The following LRRC28 variants were observed in gnomAD, a reference collection of about 807,000 sequenced individuals.
The protein encoded by LRRC28 is leucine rich repeat containing 28, also known as leucine-rich repeat-containing protein 28.
A neutral mutation model predicts 45.7 loss-of-function variants in LRRC28; 39 were observed. That is an observed-to-expected ratio of 0.85 (90% CI 0.66 to 1.12). LRRC28 has a LOEUF of 1.12. LRRC28 is among the 50% of genes most tolerant of loss of function. LRRC28 has a pLI of 0.00. For synonymous variants in LRRC28, 206 were observed against 178.8 expected (o/e 1.15, Z -1.22); for missense variants, 435 against 438.5 (o/e 0.99, Z 0.07).
At chr15:99,264,840 G>A (rs768302027) in intron 2 of LRRC28, among the ~76,000 whole-genome samples, 3 of 152,160 alleles carry the variant, frequency 2.0e-5, no homozygotes, top group Non-Finnish European at 2.9e-5. Flanking sequence ...TCTGGAAAAA[G>A]GGAATAATGA....
intron 5 of LRRC28, among the ~76,000 whole-genome samples, chr15:99,295,990 G>A (rs540858024): frequency 1.2e-4 from 18 of 152,304 alleles, no homozygotes; most frequent in African/African-American, 4.3e-4. Context: ...TGAAACCTCT[G>A]TGTTTATTGA....
At chr15:99,322,841 A>G (rs1411386558) in intron 5 of LRRC28, among the ~76,000 whole-genome samples, 1 of 152,168 alleles carries the variant, frequency 6.6e-6, no homozygotes, top group Non-Finnish European at 1.5e-5. Flanking sequence ...TCCTGGGGCA[A>G]AGCAAGCAAG....
chr15:99,253,698 T>G (rs926022551), intron 1 of LRRC28, among the ~76,000 whole-genome samples: 2 of 152,252 alleles, frequency 1.3e-5, no homozygotes, highest in African/African-American at 4.8e-5. Flanking sequence ...TAATTGGATG[T>G]ACATTTTTAA....
At chr15:99,291,131 T>C (rs1164432276) in intron 5 of LRRC28, among the ~76,000 whole-genome samples, 1 of 152,236 alleles carries the variant, frequency 6.6e-6, no homozygotes, top group Non-Finnish European at 1.5e-5. Context: ...ATTGACTGCT[T>C]CTTAATAACC....
chr15:99,345,514 G>A (rs1389792900), intron 6 of LRRC28, among the ~76,000 whole-genome samples: 3 of 151,916 alleles, frequency 2.0e-5, no homozygotes, highest in Admixed American at 6.6e-5. Context: ...TATTTCAATC[G>A]ATTGTTTTTC....
intron 5 of LRRC28, among the ~76,000 whole-genome samples, chr15:99,291,113 C>T (rs2082111181): frequency 6.6e-6 from 1 of 152,176 alleles, no homozygotes; most frequent in Non-Finnish European, 1.5e-5. Flanking sequence ...GGATGTACTT[C>T]TAATGTCATT....
chr15:99,354,423 A>C (rs1354044015), intron 7 of LRRC28, among the ~76,000 whole-genome samples: 1 of 152,186 alleles, frequency 6.6e-6, no homozygotes, highest in Non-Finnish European at 1.5e-5. Flanking sequence ...TTCCAGTTCA[A>C]AGTAGTGTTG....
At chr15:99,294,147 A>G (rs2082205370) in intron 5 of LRRC28, among the ~76,000 whole-genome samples, 1 of 152,090 alleles carries the variant, frequency 6.6e-6, no homozygotes, top group African/African-American at 2.4e-5. Context: ...CAGTTTGTAT[A>G]TGATGTGTCT....
chr15:99,328,358 A>G (rs1414045819), intron 5 of LRRC28, among the ~76,000 whole-genome samples: 1 of 152,204 alleles, frequency 6.6e-6, no homozygotes, highest in Non-Finnish European at 1.5e-5. Flanking sequence ...CAAAATCCTG[A>G]ATGTTGAAAT....
chr15:99,382,055 A>T (rs1453654858), intron 9 of LRRC28, among the ~76,000 whole-genome samples: 1 of 152,202 alleles, frequency 6.6e-6, no homozygotes, highest in Non-Finnish European at 1.5e-5. Context: ...CTCACTTCAA[A>T]GCTGTCAGAC....
At chr15:99,340,446 T>A (rs1291431122) in intron 6 of LRRC28, among the ~76,000 whole-genome samples, 2 of 152,220 alleles carry the variant, frequency 1.3e-5, no homozygotes, top group African/African-American at 4.8e-5. Context: ...TACTATTTTT[T>A]AATAAAAAAG....
At chr15:99,260,615 T>C (rs1185604993) in intron 2 of LRRC28, among the ~76,000 whole-genome samples, 1 of 152,240 alleles carries the variant, frequency 6.6e-6, no homozygotes, top group Non-Finnish European at 1.5e-5. Flanking sequence ...ATATCAGATA[T>C]ATGACAGCTT....
chr15:99,339,322 G>A lies in LRRC28; in HGVS notation c.592+5193G>A, dbSNP rs550682134. ...GAAGAGCATCTTTAGTTAGCTCCCAGGAAATGCCACGTCAGCCAAACTCAA... is the reference window on the plus strand; with the variant it reads ...GAAGAGCATCTTTAGTTAGCTCCCAAGAAATGCCACGTCAGCCAAACTCAA... On this transcript the variant is annotated intron_variant, in intron 6 of 9. Coordinates refer to ENST00000301981, the MANE Select transcript of LRRC28 (RefSeq NM_144598.5). 3.2e-3 allele frequency among the ~76,000 whole-genome samples: 489 copies of A among 152,278 alleles called. 1 individual carries two copies. Among genetic ancestry groups the A allele is most frequent in the African/African-American group, 8.3e-3 (345 of 41,554 alleles).
chr15:99,258,579 C>G, intron 2 of LRRC28: 1 of 745,648 alleles, frequency 1.3e-6, no homozygotes, highest in Non-Finnish European at 2.4e-6. Flanking sequence ...AAAACAGAAA[C>G]CAAAGACTAA....
At chr15:99,321,454 C>T (rs190317102) in intron 5 of LRRC28, among the ~76,000 whole-genome samples, 1 of 152,244 alleles carries the variant, frequency 6.6e-6, no homozygotes, top group African/African-American at 2.4e-5. Context: ...AGCTGGCGTT[C>T]GGTCAGTAAT....
chr15:99,303,523 C>T (rs911137935), intron 5 of LRRC28, among the ~76,000 whole-genome samples: 4 of 152,212 alleles, frequency 2.6e-5, no homozygotes, highest in African/African-American at 9.6e-5. Flanking sequence ...CTAGAACACA[C>T]ACATTCATAG....
chr15:99,267,865 C>G (rs1597180736), intron 2 of LRRC28, among the ~76,000 whole-genome samples: 1 of 152,148 alleles, frequency 6.6e-6, no homozygotes, highest in East Asian at 1.9e-4. Flanking sequence ...AAACTCAAGC[C>G]TCTCACATGT....
chr15:99,364,902 A>G (rs1172708444), intron 9 of LRRC28, among the ~76,000 whole-genome samples: 1 of 152,182 alleles, frequency 6.6e-6, no homozygotes, highest in Non-Finnish European at 1.5e-5. Context: ...TGATCTTTAT[A>G]TTAGCAAGAT....
At chr15:99,382,937 A>G (rs534629076) in intron 9 of LRRC28, among the ~76,000 whole-genome samples, 145 of 152,080 alleles carry the variant, frequency 9.5e-4, no homozygotes, top group African/African-American at 3.2e-3. Context: ...TTCTCCTTTC[A>G]TCTCTCTTAT....
Sources: gnomAD v4.1 joint callset for allele counts (sites outside exome capture counted in the v4.1 genomes callset) on GRCh38, gnomAD v4.1.1 for gene constraint, MANE v1.5 for transcripts, NCBI Gene and HGNC (gene_info 2026-07-23, HGNC 2026-07-21) for gene names.